Variants in PPP1R12A observed in about 807,000 individuals in gnomAD.
The protein encoded by PPP1R12A is protein phosphatase 1 regulatory subunit 12A.
In PPP1R12A, 19 loss-of-function variants were observed where a neutral mutation model predicts 139.6. That is an observed-to-expected ratio of 0.14 (90% CI 0.09 to 0.20). The LOEUF is 0.20. Ranked by LOEUF, PPP1R12A falls within the 10% of genes least tolerant of loss-of-function variation. The pLI, the probability that PPP1R12A is intolerant of heterozygous loss-of-function variation, is 1.00. For missense variants in PPP1R12A, 925 were observed against 1,211.5 expected (o/e 0.76, Z 3.51); for synonymous variants, 427 against 420.6 (o/e 1.02, Z -0.19).
rs1014613407 is a variant in PPP1R12A at position 79,845,218 on chromosome 12, C to T, written c.487+84G>A. 7 of 1,026,104 alleles carry T rather than the reference C, an allele frequency of 6.8e-6. No homozygotes were observed. The East Asian group carries it at 1.3e-4, about 19-fold the overall frequency. 63.6% of individuals were successfully genotyped at this position (1,026,104 alleles called of 1,614,324 possible). A position where few individuals can be genotyped will look rare whatever the true frequency, so the allele number is the denominator to read the frequency against. On this transcript the variant is annotated intron_variant, in intron 3 of 24. Transcript: ENST00000450142. ...TTTTTTTCATGAAATTATGATTGCCCTTCAATGTCAACAAATATTTTTGCT... is the reference window on the plus strand; with the variant it reads ...TTTTTTTCATGAAATTATGATTGCCTTTCAATGTCAACAAATATTTTTGCT...
chr12:79,852,566 G>A (rs959315426), intron 2 of PPP1R12A, among the ~76,000 whole-genome samples: 1 of 152,100 alleles, frequency 6.6e-6, no homozygotes, highest in African/African-American at 2.4e-5. Context: ...AATTTTCTGT[G>A]TTAGTTGGCT....
At chr12:79,877,300 A>G (rs1883202052) in intron 1 of PPP1R12A, among the ~76,000 whole-genome samples, 1 of 152,230 alleles carries the variant, frequency 6.6e-6, no homozygotes, top group Non-Finnish European at 1.5e-5. Flanking sequence ...AGATGATAAA[A>G]GAATACATAG....
intron 3 of PPP1R12A, 115 bp from the exon 4 acceptor site, chr12:79,832,606 T>C (rs1326517372): frequency 4.6e-6 from 5 of 1,095,476 alleles, no homozygotes; most frequent in Non-Finnish European, 6.2e-6. Flanking sequence ...AAGTATGTCT[T>C]TTTAAAATGG....
chr12:79,834,131 AAAAT>A (rs1877798155), intron 3 of PPP1R12A, among the ~76,000 whole-genome samples: 1 of 151,990 alleles, frequency 6.6e-6, no homozygotes, highest in Admixed American at 6.6e-5. Context: ...TTTGTGAAGA[AAAAT>A]AAAGCAAGGA....
At chr12:79,883,972 G>A (rs1451207210) in intron 1 of PPP1R12A, among the ~76,000 whole-genome samples, 2 of 152,162 alleles carry the variant, frequency 1.3e-5, no homozygotes, top group African/African-American at 4.8e-5. Flanking sequence ...CTGAGAAAAG[G>A]AGAACTAAGA....
At chr12:79,807,706 A>C (rs1874016996) in intron 11 of PPP1R12A, among the ~76,000 whole-genome samples, 1 of 152,052 alleles carries the variant, frequency 6.6e-6, no homozygotes, top group African/African-American at 2.4e-5. Flanking sequence ...AGGGGAAAAA[A>C]ATAAAAAAAT....
intron 1 of PPP1R12A, among the ~76,000 whole-genome samples, chr12:79,885,422 T>G (rs1446352274): frequency 6.6e-6 from 1 of 152,228 alleles, no homozygotes; most frequent in African/African-American, 2.4e-5. Context: ...TATTCTAGAA[T>G]GCATTTTTAT....
Position 79,891,820 on chromosome 12 carries a change from G to C in PPP1R12A, c.238-18882C>G, listed in dbSNP as rs1884671861. On this transcript the variant is annotated intron_variant, in intron 1 of 24. Coordinates refer to ENST00000450142, the MANE Select transcript of PPP1R12A (RefSeq NM_002480.3). ...ATGCTGGAAGGCAGCCATGTTGAGA[G>C]ACACATGTGGCAAGGAAGCAAGGCC... 2.6e-5 allele frequency among the ~76,000 whole-genome samples: 4 copies of C among 152,194 alleles called. No individual in the cohort carries two copies. In the South Asian group the frequency reaches 8.3e-4, roughly 32 times the overall value.
chr12:79,905,345 C>A (rs1886010472), intron 1 of PPP1R12A, among the ~76,000 whole-genome samples: 1 of 109,476 alleles, frequency 9.1e-6, no homozygotes, highest in African/African-American at 3.0e-5. Context: ...TGCCGCCCCC[C>A]CCCACCCCTT....
At chr12:79,905,262 C>T (rs1885994866) in intron 1 of PPP1R12A, among the ~76,000 whole-genome samples, 1 of 151,440 alleles carries the variant, frequency 6.6e-6, no homozygotes, top group South Asian at 2.1e-4. Flanking sequence ...TAGAGCTTAA[C>T]AACAAATTAA....
At chr12:79,896,983 A>C (rs960119528) in intron 1 of PPP1R12A, among the ~76,000 whole-genome samples, 1 of 152,202 alleles carries the variant, frequency 6.6e-6, no homozygotes, top group African/African-American at 2.4e-5. Context: ...AAGTTTCAAG[A>C]AGGCTTCCTA....
chr12:79,846,631 C>T (rs1264238540), intron 2 of PPP1R12A, among the ~76,000 whole-genome samples: 4 of 147,256 alleles, frequency 2.7e-5, no homozygotes, highest in African/African-American at 7.6e-5. Flanking sequence ...TTAGTAGAGA[C>T]GAGGTTTCAC....
chr12:79,787,508 A>C (rs1463742998), intron 21 of PPP1R12A: 34 of 152,022 alleles, frequency 2.2e-4, no homozygotes, highest in Admixed American at 2.2e-3. Flanking sequence ...TTTGGAAATC[A>C]ATCCACTTTC....
intron 1 of PPP1R12A, among the ~76,000 whole-genome samples, chr12:79,929,439 G>C (rs1387605421): frequency 6.6e-6 from 1 of 152,088 alleles, no homozygotes; most frequent in East Asian, 1.9e-4. Context: ...TATCTAGACT[G>C]CTTTAAAATT....
intron 1 of PPP1R12A, among the ~76,000 whole-genome samples, chr12:79,879,032 G>A (rs749477813): frequency 3.9e-5 from 6 of 152,066 alleles, no homozygotes; most frequent in Non-Finnish European, 5.9e-5. Context: ...AGTGTTTCAA[G>A]TAAAAAATTC....
intron 1 of PPP1R12A, among the ~76,000 whole-genome samples, chr12:79,875,120 C>T (rs1449629294): frequency 6.6e-6 from 1 of 152,012 alleles, no homozygotes; most frequent in African/African-American, 2.4e-5. Flanking sequence ...TTGTAAACTC[C>T]ATAATTTTCA....
chr12:79,871,189 T>A (rs1179027087), intron 2 of PPP1R12A, among the ~76,000 whole-genome samples: 2 of 152,196 alleles, frequency 1.3e-5, no homozygotes, highest in African/African-American at 4.8e-5. Flanking sequence ...TTCCTCTAAA[T>A]GATATTTTAT....
At chr12:79,789,801 C>G (rs1167234697) in intron 20 of PPP1R12A, 2 of 369,342 alleles carry the variant, frequency 5.4e-6, no homozygotes, top group Non-Finnish European at 1.0e-5. Context: ...TTTTTAAAGA[C>G]ACAGGGTCTC....
chr12:79,810,970 G>A (rs1252994357), intron 9 of PPP1R12A, among the ~76,000 whole-genome samples: 3 of 151,628 alleles, frequency 2.0e-5, no homozygotes, highest in African/African-American at 7.3e-5. Flanking sequence ...CTAATTTTAT[G>A]TACAAATATT....
Sources: allele counts gnomAD v4.1 joint callset (sites outside exome capture counted in the v4.1 genomes callset), GRCh38; gene constraint gnomAD v4.1.1; transcripts MANE v1.5; gene names NCBI Gene and HGNC (gene_info 2026-07-23, HGNC 2026-07-21).